Variants in SAMD3 observed in about 807,000 individuals in gnomAD.
The protein encoded by SAMD3 is sterile alpha motif domain-containing protein 3.
Under a neutral mutation model 58.5 loss-of-function variants are expected in SAMD3, and 63 were observed. That is an observed-to-expected ratio of 1.08 (90% CI 0.88 to 1.33). SAMD3 has a LOEUF of 1.33. Among genes scored for constraint, SAMD3 ranks in the 40% most tolerant of loss-of-function variants. The pLI is 0.00. For synonymous variants in SAMD3, 220 were observed against 210.3 expected (o/e 1.05, Z -0.40); for missense variants, 604 against 608.4 (o/e 0.99, Z 0.08).
intron 10 of SAMD3, 48 bp downstream of exon 10, chr6:130,145,962 T>C: frequency 8.5e-7 from 1 of 1,173,336 alleles, no homozygotes; most frequent in Non-Finnish European, 1.1e-6. Context: ...TTCTAGATAT[T>C]CTGATAAATA....
intron 1 of SAMD3, among the ~76,000 whole-genome samples, chr6:130,319,220 A>G (rs989019741): frequency 6.6e-6 from 1 of 152,180 alleles, no homozygotes; most frequent in African/African-American, 2.4e-5. Flanking sequence ...GGGACAGAAA[A>G]ACATTTGAAA....
chr6:130,206,938 G>C (rs1433479522), intron 5 of SAMD3, among the ~76,000 whole-genome samples: 1 of 152,098 alleles, frequency 6.6e-6, no homozygotes, highest in Non-Finnish European at 1.5e-5. Flanking sequence ...AGAGGGCTTA[G>C]AAAGGAGAAA....
chr6:130,233,086 A>G (rs938973494), intron 2 of SAMD3, among the ~76,000 whole-genome samples: 2 of 152,102 alleles, frequency 1.3e-5, no homozygotes, highest in African/African-American at 4.8e-5. Context: ...ACAATCTCCC[A>G]TAGGGCTTCC....
chr6:130,345,112 T>C (rs1397285860), intron 1 of SAMD3, among the ~76,000 whole-genome samples: 1 of 152,178 alleles, frequency 6.6e-6, no homozygotes. Flanking sequence ...CAATACTTAA[T>C]ATGTCTTTAA....
chr6:130,312,197 T>C (rs1359642566), intron 2 of SAMD3, among the ~76,000 whole-genome samples: 1 of 152,196 alleles, frequency 6.6e-6, no homozygotes, highest in African/African-American at 2.4e-5. Flanking sequence ...TGGACACATT[T>C]CATGTGTAAA....
At chr6:130,350,217 G>A (rs938012618) in intron 1 of SAMD3, among the ~76,000 whole-genome samples, 11 of 152,114 alleles carry the variant, frequency 7.2e-5, no homozygotes, top group African/African-American at 2.7e-4. Flanking sequence ...AGAAGTTCTG[G>A]GCAGGGCATT....
chr6:130,175,013 A>G (rs1472977975), intron 8 of SAMD3, among the ~76,000 whole-genome samples: 1 of 152,236 alleles, frequency 6.6e-6, no homozygotes, highest in Non-Finnish European at 1.5e-5. Context: ...TACCAGATGA[A>G]AAAGAAAATA....
intron 5 of SAMD3, among the ~76,000 whole-genome samples, chr6:130,185,544 G>A (rs889505681): frequency 4.6e-5 from 7 of 151,484 alleles, no homozygotes; most frequent in Admixed American, 1.3e-4. Flanking sequence ...GGCCAGGATG[G>A]TCTCAATCTC....
chr6:130,263,410 G>GA (rs1380060674), intron 2 of SAMD3, among the ~76,000 whole-genome samples: 1 of 152,046 alleles, frequency 6.6e-6, no homozygotes, highest in African/African-American at 2.4e-5. Context: ...GTGGAAAGAA[G>GA]AAAAACTCGA....
chr6:130,146,174 C>T lies in SAMD3; in HGVS notation c.1031G>A (p.Arg344Lys). ...PFLKCPYQMFREFQLLTRTDI... is the reference protein window; with the variant it reads ...PFLKCPYQMFKEFQLLTRTDI... The stretch of plus-strand genomic sequence containing the variant: ...TGTTCTTGTAAGAAGTTGGAATTCT[C>T]TGAACATCTGACAAAAGAAGAAAGC... Residue 344 changes from arginine to lysine, a missense_variant, in exon 10 of 12, where the codon AGA (arginine) becomes AAA (lysine). Coordinates refer to ENST00000439090, the MANE Select transcript of SAMD3 (RefSeq NM_001017373.4). 6.4e-7 allele frequency: 1 copy of T among 1,566,890 alleles called. No individual in the cohort carries two copies. Among genetic ancestry groups the T allele is most frequent in the Non-Finnish European group, 8.6e-7 (1 of 1,158,334 alleles).
chr6:130,240,733 G>A (rs544552425), intron 2 of SAMD3, among the ~76,000 whole-genome samples: 1 of 152,262 alleles, frequency 6.6e-6, no homozygotes. Flanking sequence ...CTGCCCTTTT[G>A]TAATGTGAGG....
At chr6:130,193,881 A>G (rs995353326) in intron 5 of SAMD3, among the ~76,000 whole-genome samples, 6 of 152,024 alleles carry the variant, frequency 3.9e-5, no homozygotes, top group Non-Finnish European at 4.4e-5. Context: ...TCTGTGCCCA[A>G]TGCAACTTGT....
chr6:130,280,005 T>C (rs1774926201), intron 2 of SAMD3, among the ~76,000 whole-genome samples: 1 of 148,066 alleles, frequency 6.8e-6, no homozygotes, highest in Non-Finnish European at 1.5e-5. Context: ...CAAATAATAA[T>C]TATCTTTCCT....
At chr6:130,361,219 G>T (rs2115046812) in intron 1 of SAMD3, among the ~76,000 whole-genome samples, 1 of 152,026 alleles carries the variant, frequency 6.6e-6, no homozygotes, top group East Asian at 1.9e-4. Context: ...CACAATTTGT[G>T]TTTAGAGATT....
intron 5 of SAMD3, among the ~76,000 whole-genome samples, chr6:130,207,123 T>C (rs1176272834): frequency 1.5e-5 from 2 of 136,280 alleles, no homozygotes; most frequent in African/African-American, 5.7e-5. Flanking sequence ...CACTCCAGCC[T>C]GGGTGATAGA....
intron 1 of SAMD3, among the ~76,000 whole-genome samples, chr6:130,314,111 G>C (rs922870127): frequency 6.6e-6 from 1 of 152,190 alleles, no homozygotes; most frequent in Non-Finnish European, 1.5e-5. Context: ...TGGATGAGAG[G>C]GAAGGTGGAA....
chr6:130,270,241 G>A (rs1774511093), intron 2 of SAMD3, among the ~76,000 whole-genome samples: 3 of 152,104 alleles, frequency 2.0e-5, no homozygotes, highest in Admixed American at 1.3e-4. Context: ...ACAGGTGTGT[G>A]CCACCAGGCC....
chr6:130,150,662 C>A (rs1789073194), intron 9 of SAMD3, among the ~76,000 whole-genome samples: 1 of 151,396 alleles, frequency 6.6e-6, no homozygotes, highest in Non-Finnish European at 1.5e-5. Flanking sequence ...TCTGGAGTCT[C>A]AGATGAATGC....
intron 1 of SAMD3, among the ~76,000 whole-genome samples, chr6:130,315,266 T>C (rs1372929556): frequency 1.3e-5 from 2 of 152,180 alleles, no homozygotes; most frequent in Non-Finnish European, 2.9e-5. Flanking sequence ...CAGAGATACA[T>C]ATATATAAAA....
Sources: gnomAD v4.1 joint callset for allele counts (sites outside exome capture counted in the v4.1 genomes callset) on GRCh38, gnomAD v4.1.1 for gene constraint, MANE v1.5 for transcripts, NCBI Gene and HGNC (gene_info 2026-07-23, HGNC 2026-07-21) for gene names.